The following UBR3 variants were observed in gnomAD, a reference collection of about 807,000 sequenced individuals.
The protein encoded by UBR3 is E3 ubiquitin-protein ligase UBR3.
A neutral mutation model predicts 243.2 loss-of-function variants in UBR3; 85 were observed. That is an observed-to-expected ratio of 0.35 (90% CI 0.29 to 0.42). UBR3 has a LOEUF of 0.42. Ranked by LOEUF, UBR3 falls within the 10% of genes least tolerant of loss-of-function variation. The probability of loss-of-function intolerance (pLI) is 1.00; values close to 1 mark genes in which losing one functional copy is unlikely to be tolerated. For synonymous variants in UBR3, 748 were observed against 799.8 expected, an observed-to-expected ratio of 0.94 and a Z score of 1.09; for missense variants, 1,686 against 2,300.8, an observed-to-expected ratio of 0.73 and a Z score of 5.47.
chr2:169,939,085 TTG>T (rs1475246551), intron 19 of UBR3, among the ~76,000 whole-genome samples: 4 of 152,114 alleles, frequency 2.6e-5, no homozygotes, highest in Non-Finnish European at 5.9e-5. Flanking sequence ...AAAATCTTCC[TTG>T]TGTTTTTATT....
At chr2:169,843,912 C>G (rs921479955) in intron 1 of UBR3, among the ~76,000 whole-genome samples, 1 of 151,594 alleles carries the variant, frequency 6.6e-6, no homozygotes, top group African/African-American at 2.4e-5. Flanking sequence ...GTGAAACAAT[C>G]TAGGTTTGGA....
intron 1 of UBR3, among the ~76,000 whole-genome samples, chr2:169,857,696 G>C (rs2082938827): frequency 6.6e-6 from 1 of 151,324 alleles, no homozygotes; most frequent in Admixed American, 6.6e-5. Flanking sequence ...CAAAGCGCTG[G>C]GATTACAGGT....
intron 1 of UBR3, among the ~76,000 whole-genome samples, chr2:169,857,064 G>GTTTTGTTTTTTTTTTTTTTTTT (rs1255937396): frequency 5.3e-5 from 3 of 56,094 alleles, no homozygotes; most frequent in Non-Finnish European, 9.6e-5. Flanking sequence ...ATTTTATTAT[G>GTTTTGTTTTTTTTTTTTTTTTT]TTTTTTTTTT....
At chr2:170,008,551 T>C (rs752377981) in intron 28 of UBR3, among the ~76,000 whole-genome samples, 4 of 152,156 alleles carry the variant, frequency 2.6e-5, no homozygotes, top group Non-Finnish European at 5.9e-5. Flanking sequence ...TAGCATAATT[T>C]ATGTGGTTAA....
chr2:170,056,443 G>A (rs536681171), intron 33 of UBR3, among the ~76,000 whole-genome samples: 55 of 152,114 alleles, frequency 3.6e-4, no homozygotes, highest in Non-Finnish European at 6.0e-4. Flanking sequence ...TATGCTAAAT[G>A]TAAATACTTT....
intron 30 of UBR3, among the ~76,000 whole-genome samples, chr2:170,024,925 T>C (rs2090488695): frequency 6.6e-6 from 1 of 152,118 alleles, no homozygotes; most frequent in South Asian, 2.1e-4. Flanking sequence ...TAGGAGCAAA[T>C]AGGTCAAGCA....
intron 6 of UBR3, among the ~76,000 whole-genome samples, chr2:169,893,580 G>T (rs771409132): frequency 7.9e-5 from 12 of 152,058 alleles, no homozygotes; most frequent in Non-Finnish European, 1.6e-4. Flanking sequence ...TTCAGCACAG[G>T]GTCTCACTGT....
chr2:169,962,943 T>G (rs769795598), intron 24 of UBR3, among the ~76,000 whole-genome samples: 9 of 152,240 alleles, frequency 5.9e-5, no homozygotes, highest in African/African-American at 1.2e-4. Flanking sequence ...GTCTCTAGTC[T>G]GTGTACATGG....
At chr2:169,907,097 C>T (rs1268688896) in intron 10 of UBR3, among the ~76,000 whole-genome samples, 3 of 143,212 alleles carry the variant, frequency 2.1e-5, no homozygotes, top group Non-Finnish European at 4.5e-5. Context: ...AGTGCAGTGG[C>T]ACCATCTCAG....
intron 24 of UBR3, among the ~76,000 whole-genome samples, chr2:169,981,752 G>A (rs1559155555): frequency 6.6e-6 from 1 of 151,976 alleles, no homozygotes; most frequent in Non-Finnish European, 1.5e-5. Context: ...AGTTTAAGAT[G>A]AAACTGTGGG....
intron 36 of UBR3, chr2:170,077,329 C>A (rs1559241086): frequency 6.0e-6 from 5 of 831,042 alleles, no homozygotes; most frequent in Non-Finnish European, 8.5e-6. Context: ...CAAGGCCCAA[C>A]TCACATTCAC....
chr2:169,848,999 G>A (rs113928007), intron 1 of UBR3, among the ~76,000 whole-genome samples: 6,563 of 152,196 alleles, frequency 0.043, 162 homozygotes, highest in Middle Eastern at 0.068. Flanking sequence ...GATATAATAA[G>A]CAAATTGCAA....
chr2:169,980,773 C>G (rs2088690303), intron 24 of UBR3, among the ~76,000 whole-genome samples: 2 of 128,388 alleles, frequency 1.6e-5, no homozygotes, highest in Non-Finnish European at 3.3e-5. Flanking sequence ...CCCCCTCCCC[C>G]CTCCCCCCGA....
intron 14 of UBR3, among the ~76,000 whole-genome samples, chr2:169,926,087 C>T (rs75479689): frequency 6.6e-5 from 10 of 152,232 alleles, no homozygotes; most frequent in East Asian, 1.9e-4. Context: ...TCTGGCTCTG[C>T]GGTACCTGGC....
chr2:169,980,689 C>T (rs1331003927), intron 24 of UBR3, among the ~76,000 whole-genome samples: 1 of 151,532 alleles, frequency 6.6e-6, no homozygotes, highest in Non-Finnish European at 1.5e-5. Flanking sequence ...CATACGAATA[C>T]ATGTGCCATG....
rs2082076614 is a variant in UBR3, at chr2:169,835,997, CTCTCTCTCTCTCTCTCTCTCTCT to C, written c.545+7946_545+7968del. Among the ~76,000 whole-genome samples the C allele has an allele frequency of 5.2e-4, 21 of 40,498 alleles. 1 individual carries two copies. Among genetic ancestry groups the C allele is most frequent in the African/African-American group, 8.9e-4 (5 of 5,640 alleles). The allele number at this position is 40,498 out of a possible 152,430, so 26.6% of individuals were successfully genotyped here. On this transcript the variant is annotated intron_variant, in intron 1 of 38. Transcript: ENST00000272793. ...CCTGAAATTCCTGTGTGCACTGTCT[CTCTCTCTCTCTCTCTCTCTCTCT>C]CTCTCTCTCTCTCTCTCTCTCTCTA...
At chr2:169,948,011 A>G in intron 22 of UBR3, 1 of 876,956 alleles carries the variant, frequency 1.1e-6, no homozygotes, top group Non-Finnish European at 1.4e-6. Flanking sequence ...GCTTTGAAGT[A>G]TTTGTGTGTG....
At position 170,082,543 on chromosome 2, in the gene UBR3, T is replaced by C. The variant is rs915482493; in HGVS notation, c.*700T>C. 1.4e-5 allele frequency: 2 copies of C among 139,312 alleles called. No individual in the cohort carries two copies. Among genetic ancestry groups the C allele is most frequent in the African/African-American group, 5.3e-5 (2 of 38,028 alleles). 8.6% of individuals were successfully genotyped at this position (139,312 alleles called of 1,614,324 possible). A position where few individuals can be genotyped will look rare whatever the true frequency, so the allele number is the denominator to read the frequency against. The stretch of plus-strand genomic sequence containing the variant: ...AATACAGTACATTTTGGGGGGCATA[T>C]GTGTGGTTGGGGGGTCCTTAAAAAT... On this transcript the variant is annotated 3_prime_UTR_variant, in exon 39 of 39. Transcript: ENST00000272793.
At chr2:169,894,745 C>G (rs1293395219) in intron 6 of UBR3, among the ~76,000 whole-genome samples, 1 of 152,132 alleles carries the variant, frequency 6.6e-6, no homozygotes, top group Non-Finnish European at 1.5e-5. Context: ...ACACCTTGAA[C>G]AGTGATGTAG....
Sources: allele counts gnomAD v4.1 joint callset (sites outside exome capture counted in the v4.1 genomes callset), GRCh38; gene constraint gnomAD v4.1.1; transcripts MANE v1.5; gene names NCBI Gene and HGNC (gene_info 2026-07-23, HGNC 2026-07-21).